ADRA1A: variants seen among roughly 807,000 people sequenced by gnomAD.
ADRA1A encodes the protein adrenoceptor alpha 1A.
In ADRA1A, 31 loss-of-function variants were observed where a neutral mutation model predicts 29.6. The observed-to-expected ratio is 1.05, with a 90% CI of 0.79 to 1.41. ADRA1A has a LOEUF of 1.41. Among genes scored for constraint, ADRA1A ranks in the 40% most tolerant of loss-of-function variants. The pLI, the probability that ADRA1A is intolerant of heterozygous loss-of-function variation, is 0.00. For synonymous variants in ADRA1A, 311 were observed against 254.3 expected, an observed-to-expected ratio of 1.22 and a Z score of -2.12; for missense variants, 619 against 601.1, an observed-to-expected ratio of 1.03 and a Z score of -0.31.
chr8:26,751,770 G>A (rs924947398), downstream of ADRA1A, among the ~76,000 whole-genome samples: 1 of 152,238 alleles, frequency 6.6e-6, no homozygotes, highest in Non-Finnish European at 1.5e-5. Context: ...CTCATTGAAT[G>A]TTTATTATGA....
intron 2 of ADRA1A, among the ~76,000 whole-genome samples, chr8:26,850,237 T>A (rs1370407554): frequency 6.6e-6 from 1 of 151,914 alleles, no homozygotes; most frequent in East Asian, 1.9e-4. Flanking sequence ...GAGAAAAAAA[T>A]TTTATAAACA....
At chr8:26,763,729 C>T (rs537506423), downstream of ADRA1A, among the ~76,000 whole-genome samples, 3 of 152,286 alleles carry the variant, frequency 2.0e-5, no homozygotes, top group South Asian at 2.1e-4. This position sits in a 1 kb window ranked among gnomAD's most constrained non-coding sequence, Gnocchi z 4.5. Context: ...CGGCAAATTA[C>T]GGCCCATGAG....
intron 2 of ADRA1A, among the ~76,000 whole-genome samples, chr8:26,826,260 G>A (rs1305062453): frequency 6.6e-6 from 1 of 152,206 alleles, no homozygotes; most frequent in Non-Finnish European, 1.5e-5. Context: ...ATAGTTGGGT[G>A]TTTCTGACTG....
rs36090023 is a variant in ADRA1A at position 26,823,142 on chromosome 8, A to G, written c.883+40945T>C. ...TTTTGTTATAGGCATTAACAGAAGA[A>G]CAAACACCAGCAAGAAATGAACAAA... On this transcript the variant is annotated intron_variant, in intron 2 of 2. Transcript: ENST00000380573. This position sits in a 1 kb window ranked among gnomAD's most constrained non-coding sequence, Gnocchi z 4.2. Among the ~76,000 whole-genome samples, 5,071 of 152,318 alleles carry G rather than the reference A, an allele frequency of 0.033. 156 individuals carry two copies. The highest frequency in any genetic ancestry group is 0.083 in the African/African-American group (3,459 of 41,546).
At chr8:26,835,159 A>G (rs1200674049) in intron 2 of ADRA1A, among the ~76,000 whole-genome samples, 2 of 152,228 alleles carry the variant, frequency 1.3e-5, no homozygotes, top group Non-Finnish European at 2.9e-5. Flanking sequence ...GCACCATTAT[A>G]TAACTCATCA....
chr8:26,803,286 T>C (rs1808727551), intron 2 of ADRA1A, among the ~76,000 whole-genome samples: 1 of 152,192 alleles, frequency 6.6e-6, no homozygotes, highest in Non-Finnish European at 1.5e-5. Context: ...GAAAACCTCA[T>C]TTATTCTGAT....
chr8:26,792,734 T>C (rs1021994409), intron 2 of ADRA1A, among the ~76,000 whole-genome samples: 26 of 147,578 alleles, frequency 1.8e-4, no homozygotes, highest in African/African-American at 4.9e-4. Context: ...TCATATACGT[T>C]GGTGATTATT....
At chr8:26,816,251 A>T (rs1415584506) in intron 2 of ADRA1A, among the ~76,000 whole-genome samples, 1 of 152,170 alleles carries the variant, frequency 6.6e-6, no homozygotes, top group Non-Finnish European at 1.5e-5. Flanking sequence ...ATTGGAGAAA[A>T]TCCACTGAAA....
At chr8:26,816,558 T>A (rs1397397813) in intron 2 of ADRA1A, among the ~76,000 whole-genome samples, 1 of 151,772 alleles carries the variant, frequency 6.6e-6, no homozygotes, top group East Asian at 1.9e-4. Context: ...TGTGTGTGTG[T>A]GTGTGTGTGT....
At chr8:26,784,017 C>A (rs879499718) in intron 2 of ADRA1A, among the ~76,000 whole-genome samples, 10 of 151,496 alleles carry the variant, frequency 6.6e-5, no homozygotes, top group African/African-American at 1.9e-4. Flanking sequence ...TACACTGGGG[C>A]CTGTTTGGGG....
chr8:26,833,629 C>T (rs990860466), intron 2 of ADRA1A, among the ~76,000 whole-genome samples: 1 of 152,220 alleles, frequency 6.6e-6, no homozygotes, highest in African/African-American at 2.4e-5. Flanking sequence ...AGTAGACATA[C>T]AATCAGTCCC....
chr8:26,756,828 T>C, intron 2 of ADRA1A: 1 of 1,597,746 alleles, frequency 6.3e-7, no homozygotes, highest in Non-Finnish European at 8.5e-7. Flanking sequence ...GCATTTTTAA[T>C]ATCCTAGGCA....
At chr8:26,856,789 GTGTGGCTATC>G (rs1406838763) in intron 2 of ADRA1A, among the ~76,000 whole-genome samples, 2 of 152,158 alleles carry the variant, frequency 1.3e-5, no homozygotes, top group Non-Finnish European at 2.9e-5. Context: ...CGATAACTTA[GTGTGGCTATC>G]TGATTAATGT....
Position 26,864,567 on chromosome 8 carries a change from G to C in ADRA1A, c.403C>G (p.Pro135Ala). The change falls in exon 2 of 3, where the codon CCA becomes GCA. Residue 135 changes from proline (P) to alanine (A), a missense_variant. Coordinates refer to ENST00000380573, the MANE Select transcript of ADRA1A (RefSeq NM_000680.4). This position sits in a 1 kb window ranked among gnomAD's most constrained non-coding sequence, Gnocchi z 8.1. ...CCCCTCCTCTGGGTGACGATGGTTG[G>C]GTAGCGCAGCGGGTAGCTCACGCCG... Reference protein sequence around the residue: ...YIGVSYPLRYPTIVTQRRGLM... With the variant: ...YIGVSYPLRYATIVTQRRGLM... The C allele has an allele frequency of 1.9e-6, 3 of 1,614,110 alleles. No homozygotes were observed. The highest frequency in any genetic ancestry group is 2.5e-6 in the Non-Finnish European group (3 of 1,180,030).
chr8:26,761,368 A>G (rs1488165310), downstream of ADRA1A, among the ~76,000 whole-genome samples: 1 of 152,238 alleles, frequency 6.6e-6, no homozygotes, highest in Non-Finnish European at 1.5e-5. Context: ...TTGTGGGCTC[A>G]AATGAGTCTC....
At chr8:26,753,945 A>G (rs1343613754), downstream of ADRA1A, among the ~76,000 whole-genome samples, 2 of 152,272 alleles carry the variant, frequency 1.3e-5, no homozygotes, top group African/African-American at 4.8e-5. Flanking sequence ...CAGTTTGTTC[A>G]ACAAATAAAA....
intron 2 of ADRA1A, among the ~76,000 whole-genome samples, chr8:26,816,524 T>C (rs1031015402): frequency 7.0e-6 from 1 of 143,884 alleles, no homozygotes; most frequent in Non-Finnish European, 1.5e-5. Context: ...AGAGAGGTGC[T>C]CATGGTGTAT....
At chr8:26,786,359 C>T (rs544213092) in intron 2 of ADRA1A, among the ~76,000 whole-genome samples, 14 of 152,140 alleles carry the variant, frequency 9.2e-5, no homozygotes, top group East Asian at 1.9e-4. Context: ...CTCAGCCTCC[C>T]GAGTAGCTGG....
At chr8:26,748,750 TAAAAAAAAAAAAA>T (rs35884587) in intron 2 of ADRA1A, 1 of 273,348 alleles carries the variant, frequency 3.7e-6, no homozygotes, top group Admixed American at 5.0e-5. Context: ...AGACTTCGTC[TAAAAAAAAAAAAA>T]AAAAAAAGTT....
Sources: gnomAD v4.1 joint callset for allele counts (sites outside exome capture counted in the v4.1 genomes callset) on GRCh38, gnomAD v4.1.1 for gene constraint, Gnocchi (gnomAD v3.1) non-coding constraint, MANE v1.5 for transcripts, NCBI Gene and HGNC (gene_info 2026-07-23, HGNC 2026-07-21) for gene names.